The following RUNX2 variants were observed in gnomAD, a reference collection of about 807,000 sequenced individuals.
The protein encoded by RUNX2 is runt-related transcription factor 2.
In RUNX2, 10 loss-of-function variants were observed where a neutral mutation model predicts 51.7. That is an observed-to-expected ratio of 0.19 (90% confidence interval 0.12 to 0.33). RUNX2 has a LOEUF of 0.33. Among genes scored for constraint, RUNX2 ranks in the 10% least tolerant of loss-of-function variants. The probability of loss-of-function intolerance (pLI) is 1.00; values close to 1 mark genes in which losing one functional copy is unlikely to be tolerated. For synonymous variants in RUNX2, 276 were observed against 273.6 expected (o/e 1.01, Z -0.09); for missense variants, 562 against 691.3 (o/e 0.81, Z 2.10).
intron 2 of RUNX2, among the ~76,000 whole-genome samples, chr6:45,334,204 A>G (rs543672318): frequency 4.0e-5 from 6 of 151,300 alleles, no homozygotes; most frequent in African/African-American, 1.4e-4. Flanking sequence ...TTTTCACCAC[A>G]AAGTCAAATA....
chr6:45,535,069 C>T (rs1005756773), intron 7 of RUNX2, among the ~76,000 whole-genome samples: 14 of 151,988 alleles, frequency 9.2e-5, no homozygotes, highest in Non-Finnish European at 2.1e-4. Flanking sequence ...TAGAGGGGAA[C>T]GGTGCACACT....
chr6:45,492,241 A>T (rs1211337437), intron 6 of RUNX2, 127 bp downstream of exon 6: 5 of 783,616 alleles, frequency 6.4e-6, no homozygotes, highest in Admixed American at 5.1e-5. Context: ...AAGAATCAAG[A>T]CTTGAAGACA....
chr6:45,438,221 T>C (rs1465603458), intron 5 of RUNX2, among the ~76,000 whole-genome samples, 170 bp downstream of exon 5: 3 of 152,138 alleles, frequency 2.0e-5, no homozygotes, highest in African/African-American at 7.2e-5. Flanking sequence ...TCAGAGTTAG[T>C]AGAAAATAAA....
intron 7 of RUNX2, among the ~76,000 whole-genome samples, chr6:45,536,056 C>T (rs1802023373): frequency 6.6e-6 from 1 of 151,738 alleles, no homozygotes; most frequent in Non-Finnish European, 1.5e-5. Context: ...CAAACATGAA[C>T]AAGGAAATCC....
chr6:45,391,171 GA>G (rs1158009021), intron 2 of RUNX2, among the ~76,000 whole-genome samples: 2 of 152,170 alleles, frequency 1.3e-5, no homozygotes, highest in African/African-American at 4.8e-5. Context: ...ATTTCATTTT[GA>G]AATGTGATTC....
chr6:45,535,495 T>C (rs1223966428), intron 7 of RUNX2, among the ~76,000 whole-genome samples: 1 of 151,168 alleles, frequency 6.6e-6, no homozygotes, highest in Non-Finnish European at 1.5e-5. Context: ...TCCCAGCTAC[T>C]GGGGAGGCTG....
intron 2 of RUNX2, among the ~76,000 whole-genome samples, chr6:45,355,030 A>G (rs140504490): frequency 2.0e-5 from 3 of 152,136 alleles, no homozygotes; most frequent in African/African-American, 7.2e-5. Context: ...GCTAAAGTGC[A>G]GTGGTACGAT....
chr6:45,519,966 G>A (rs1801454958), intron 7 of RUNX2, among the ~76,000 whole-genome samples: 1 of 151,760 alleles, frequency 6.6e-6, no homozygotes, highest in East Asian at 1.9e-4. Flanking sequence ...TACAGACTGG[G>A]ATTACAGGCA....
chr6:45,425,982 A>T lies in RUNX2; in HGVS notation c.423+3025A>T, dbSNP rs538492023. On this transcript the variant is annotated intron_variant, in intron 3 of 8. Transcript: ENST00000647337. ...TGAGCCCGTATTTTGTATCTGTCAC[A>T]CTGAGCTTGACACCGCAGAGAATCA... Among the ~76,000 whole-genome samples, 3 of 152,290 alleles carry T rather than the reference A, an allele frequency of 2.0e-5. No homozygotes were observed. In the East Asian group the frequency reaches 5.8e-4, roughly 29 times the overall value.
At chr6:45,382,685 G>A (rs972962715) in intron 2 of RUNX2, among the ~76,000 whole-genome samples, 1 of 152,200 alleles carries the variant, frequency 6.6e-6, no homozygotes, top group Non-Finnish European at 1.5e-5. Flanking sequence ...AGGCCAGATG[G>A]TGAAAGGCCT....
At chr6:45,407,680 G>A (rs1311207606) in intron 2 of RUNX2, among the ~76,000 whole-genome samples, 1 of 151,212 alleles carries the variant, frequency 6.6e-6, no homozygotes, top group Non-Finnish European at 1.5e-5. Flanking sequence ...TTGACTTTTT[G>A]TAGAGACAGA....
At position 45,547,173 on chromosome 6, in the gene RUNX2, T is replaced by C. The variant is rs374159865; in HGVS notation, c.1434T>C (p.Asn478=). Residue 478 remains asparagine, a synonymous_variant, in exon 9 of 9, where the codon AAT becomes AAC. Transcript: ENST00000647337. ...TTCCGCCATGCACCACCACCTCGAA[T>C]GGCAGCACGCTATTAAATCCAAATT... is the stretch of plus-strand genomic sequence containing the variant. ...RMLPPCTTTS[N]GSTLLNPNLP... 73 of 1,614,040 alleles carry C rather than the reference T, an allele frequency of 4.5e-5. No individual in the cohort carries two copies. Among genetic ancestry groups the C allele is most frequent in the Non-Finnish European group, 6.1e-5 (72 of 1,180,032 alleles).
At chr6:45,482,125 CT>C (rs1168078928) in intron 5 of RUNX2, among the ~76,000 whole-genome samples, 1 of 152,188 alleles carries the variant, frequency 6.6e-6, no homozygotes, top group Non-Finnish European at 1.5e-5. Context: ...CCGGTTAGCT[CT>C]TTTTTTCCTG....
chr6:45,530,374 T>G (rs1334561367), intron 7 of RUNX2, among the ~76,000 whole-genome samples: 1 of 152,234 alleles, frequency 6.6e-6, no homozygotes, highest in Non-Finnish European at 1.5e-5. Context: ...TCCCTTCAGT[T>G]ATCTAAAAAT....
intron 7 of RUNX2, among the ~76,000 whole-genome samples, chr6:45,520,445 A>G (rs1197031618): frequency 6.6e-6 from 1 of 152,222 alleles, no homozygotes; most frequent in African/African-American, 2.4e-5. Context: ...TAAAATAACA[A>G]TACAGTTATG....
intron 6 of RUNX2, among the ~76,000 whole-genome samples, chr6:45,509,761 G>T (rs1412242252): frequency 6.6e-6 from 1 of 152,180 alleles, no homozygotes; most frequent in Non-Finnish European, 1.5e-5. Context: ...CATCCAGGTT[G>T]AGTACCCTAA....
In RUNX2 at chr6:45,388,608, C is replaced by T. The variant is rs1347986849; in HGVS notation, c.59-33985C>T. Among the ~76,000 whole-genome samples, 8 of 152,274 alleles carry T rather than the reference C, an allele frequency of 5.3e-5. No homozygotes were observed. The South Asian group carries it at 1.2e-3, about 24-fold the overall frequency. ...AGAGCATCTACAGAATTTGTGACTC[C>T]TCCAACTAGCAAGCAATGATGAAGC... is the stretch of plus-strand genomic sequence containing the variant. On this transcript the variant is annotated intron_variant, in intron 2 of 8. Coordinates refer to ENST00000647337, the MANE Select transcript of RUNX2 (RefSeq NM_001024630.4).
At chr6:45,519,080 T>C (rs1801421105) in intron 7 of RUNX2, among the ~76,000 whole-genome samples, 1 of 152,226 alleles carries the variant, frequency 6.6e-6, no homozygotes, top group Non-Finnish European at 1.5e-5. Context: ...AGTAAGGTGC[T>C]ATCTGTTTAG....
intron 5 of RUNX2, among the ~76,000 whole-genome samples, chr6:45,444,101 C>T (rs755817465): frequency 2.0e-4 from 31 of 152,172 alleles, no homozygotes; most frequent in Non-Finnish European, 4.3e-4. Flanking sequence ...CTGCCCGCCT[C>T]GGCCTCCCAA....
Sources: gnomAD v4.1 joint callset for allele counts (sites outside exome capture counted in the v4.1 genomes callset) on GRCh38, gnomAD v4.1.1 for gene constraint, MANE v1.5 for transcripts, NCBI Gene and HGNC (gene_info 2026-07-23, HGNC 2026-07-21) for gene names.